MTMR1: variants seen among roughly 807,000 people sequenced by gnomAD.
MTMR1 encodes myotubularin related protein 1.
A neutral mutation model predicts 51.6 loss-of-function variants in MTMR1; 17 were observed. The ratio of observed to expected loss-of-function variants is 0.33; its 90% confidence interval spans 0.23 to 0.49. The LOEUF (loss-of-function observed/expected upper bound fraction) is 0.49. Among genes scored for constraint, MTMR1 ranks in the 20% least tolerant of loss-of-function variants. The pLI, the probability that MTMR1 is intolerant of heterozygous loss-of-function variation, is 0.99. For missense variants in MTMR1, 386 were observed against 526.9 expected (o/e 0.73, Z 2.62); for synonymous variants, 201 against 205.6 (o/e 0.98, Z 0.19).
At chrX:150,702,858 A>G (rs1557415981) in intron 2 of MTMR1, among the ~76,000 whole-genome samples, 2 of 112,254 alleles carry the variant, frequency 1.8e-5, no homozygotes, top group African/African-American at 6.5e-5. Context: ...GAAAGAGTAG[A>G]TAGCTATTAT....
At chrX:150,720,646 T>C (rs999679573) in intron 4 of MTMR1, among the ~76,000 whole-genome samples, 7 of 111,971 alleles carry the variant, frequency 6.3e-5, no homozygotes, top group African/African-American at 2.3e-4. Context: ...AAATACCTAA[T>C]AGATAAGTGG....
intron 4 of MTMR1, among the ~76,000 whole-genome samples, chrX:150,721,428 G>C (rs1363775210): frequency 9.0e-6 from 1 of 111,518 alleles, no homozygotes; most frequent in Non-Finnish European, 1.9e-5. Context: ...TTGTGCGAAG[G>C]TTTTTAACTA....
At chrX:150,742,988 G>A (rs1298091628) in intron 12 of MTMR1, among the ~76,000 whole-genome samples, 1 of 111,223 alleles carries the variant, frequency 9.0e-6, no homozygotes, top group Non-Finnish European at 1.9e-5. Context: ...GGTGGGGAAT[G>A]GGGAGTTAGT....
intron 2 of MTMR1, among the ~76,000 whole-genome samples, chrX:150,709,313 G>T (rs1214077134): frequency 8.9e-6 from 1 of 111,984 alleles, no homozygotes; most frequent in Non-Finnish European, 1.9e-5. Flanking sequence ...GAGACTTTTG[G>T]GTAAGCCTCC....
intron 14 of MTMR1, among the ~76,000 whole-genome samples, chrX:150,752,624 G>GTTTT (rs782406235): frequency 3.3e-4 from 19 of 57,450 alleles, no homozygotes; most frequent in Non-Finnish European, 5.2e-4. Flanking sequence ...GCTTTATCTT[G>GTTTT]TTTTTTTTTT....
rs1246677231 is a variant in MTMR1 at position 150,694,859 on chromosome X, C to G, written c.146+1183C>G. On this transcript the variant is annotated intron_variant, in intron 1 of 15. Coordinates refer to ENST00000445323, the MANE Select transcript of MTMR1 (RefSeq NM_001306144.3). ...CTAGTGGAGAATACAAACCAACCAA[C>G]AGTGGAAATCGAATGTGATAAATGA... Among the ~76,000 whole-genome samples, 17 of 111,893 alleles carry G rather than the reference C, an allele frequency of 1.5e-4. No individual in the cohort carries two copies. The Admixed American group carries it at 1.6e-3, about 11-fold the overall frequency.
Position 150,698,219 on chromosome X carries a change from GA to G in MTMR1, c.147-974del, listed in dbSNP as rs781983496. ...GAGGCAGGAGAATTGCTTGAACCCA[GA>G]AGGGCAAAGTTTGCAGTGAGCCGAG... On this transcript the variant is annotated intron_variant, in intron 1 of 15. Coordinates refer to ENST00000445323, the MANE Select transcript of MTMR1 (RefSeq NM_001306144.3). Among the ~76,000 whole-genome samples the G allele has an allele frequency of 2.7e-3, 295 of 110,283 alleles. 4 individuals are homozygous for G. Among genetic ancestry groups the G allele is most frequent in the African/African-American group, 9.4e-3 (285 of 30,206 alleles).
chrX:150,730,510 G>A lies in MTMR1; in HGVS notation c.658-15G>A. ...AGAAATAGTAACATATGTGTTTTGT[G>A]GTTTTTGTGTCCAGGCACTATTTGC... On this transcript the variant is annotated splice_polypyrimidine_tract_variant and intron_variant, in intron 7 of 15. Transcript: ENST00000445323. 9.0e-7 allele frequency: 1 copy of A among 1,106,363 alleles called. No homozygotes were observed. Among genetic ancestry groups the A allele is most frequent in the Non-Finnish European group, 1.2e-6 (1 of 821,861 alleles). 91.2% of individuals were successfully genotyped at this position (1,106,363 alleles called of 1,213,427 possible). A position where few individuals can be genotyped will look rare whatever the true frequency, so the allele number is the denominator to read the frequency against.
chrX:150,732,471 T>TA, intron 9 of MTMR1, 71 bp from the exon 10 acceptor site: 1 of 1,006,220 alleles, frequency 9.9e-7, no homozygotes. Context: ...GGGAACTTGT[T>TA]TTTCCTACCA....
At chrX:150,701,960 G>C (rs1165784725) in intron 2 of MTMR1, among the ~76,000 whole-genome samples, 2 of 111,846 alleles carry the variant, frequency 1.8e-5, no homozygotes, top group African/African-American at 6.5e-5. Context: ...CATACAGTTA[G>C]ACTTGGGATT....
chrX:150,758,799 A>G (rs1341819766), intron 15 of MTMR1, among the ~76,000 whole-genome samples: 10 of 111,006 alleles, frequency 9.0e-5, no homozygotes, highest in African/African-American at 3.3e-4. Flanking sequence ...CCGTCTCAAA[A>G]AAAAAAAAAA....
At chrX:150,753,491 T>TA (rs1373034204) in intron 14 of MTMR1, among the ~76,000 whole-genome samples, 1 of 112,461 alleles carries the variant, frequency 8.9e-6, no homozygotes, top group Non-Finnish European at 1.9e-5. Flanking sequence ...TTTTCCTTTT[T>TA]AAAAAAATTA....
Position 150,730,540 on chromosome X carries a change from A to G in MTMR1, c.673A>G (p.Ser225Gly). ...TTGTGTCCAGGCACTATTTGCATTC[A>G]GCTATAAAGAAAAATTTCCAATTAA... ...LSNGQALFAF[S>G]YKEKFPINGW... The change falls in exon 8 of 16, where the codon AGC becomes GGC. Residue 225 changes from serine to glycine, a missense_variant. Transcript: ENST00000445323. 8.5e-7 allele frequency: 1 copy of G among 1,172,835 alleles called. No homozygotes were observed. The highest frequency in any genetic ancestry group is 1.1e-6 in the Non-Finnish European group (1 of 871,582).
chrX:150,764,910 AATG>A lies in MTMR1; in HGVS notation c.*2184_*2186del, dbSNP rs1212268577. 9.0e-6 allele frequency: 1 copy of A among 111,652 alleles called. No individual in the cohort carries two copies. The highest frequency in any genetic ancestry group is 3.3e-5 in the African/African-American group (1 of 30,596). The allele number at this position is 111,652 out of a possible 1,213,427, so 9.2% of individuals were successfully genotyped here. A position where few individuals can be genotyped will look rare whatever the true frequency, so the allele number is the denominator to read the frequency against. The stretch of plus-strand genomic sequence containing the variant: ...CTGTATTTCAATCATCTGTAATTAA[AATG>A]ATCATATGTTTGCTCCCTGGTCTTT... On this transcript the variant is annotated 3_prime_UTR_variant, in exon 16 of 16. Transcript: ENST00000445323.
At chrX:150,729,323 A>G (rs2042043366) in intron 6 of MTMR1, among the ~76,000 whole-genome samples, 1 of 111,600 alleles carries the variant, frequency 9.0e-6, no homozygotes, top group Non-Finnish European at 1.9e-5. Context: ...TCAGCCACCA[A>G]GGTGTATGTG....
intron 2 of MTMR1, among the ~76,000 whole-genome samples, chrX:150,701,598 GTCATCATCA>G (rs782035130): frequency 9.0e-6 from 1 of 111,698 alleles, no homozygotes; most frequent in Non-Finnish European, 1.9e-5. Flanking sequence ...ATGGTTCTAT[GTCATCATCA>G]TCATCATCAT....
At position 150,759,539 on chromosome X, in the gene MTMR1, G is replaced by A. The variant is rs139550437; in HGVS notation, c.1858-3026G>A. ...CCCCTGCCACGCTCCCCCTTGTGCA[G>A]CAGGTTGCAGAGGTGAAGAAATGCT... On this transcript the variant is annotated intron_variant, in intron 15 of 15. Coordinates refer to ENST00000445323, the MANE Select transcript of MTMR1 (RefSeq NM_001306144.3). 3.8e-3 allele frequency among the ~76,000 whole-genome samples: 381 copies of A among 101,069 alleles called. 5 individuals are homozygous for A. Among genetic ancestry groups the A allele is most frequent in the African/African-American group, 0.012 (364 of 30,147 alleles). 87.8% of individuals were successfully genotyped at this position (101,069 alleles called of 115,157 possible).
chrX:150,736,408 T>G, intron 10 of MTMR1, 187 bp from the exon 11 acceptor site: 1 of 401,009 alleles, frequency 2.5e-6, no homozygotes, highest in African/African-American at 2.5e-5. Flanking sequence ...GAGAATAAAC[T>G]TCTGTTGTTT....
intron 15 of MTMR1, among the ~76,000 whole-genome samples, chrX:150,757,484 G>A (rs1235036932): frequency 8.9e-6 from 1 of 112,415 alleles, no homozygotes; most frequent in Non-Finnish European, 1.9e-5. Context: ...CCTCAGGAGT[G>A]TTTTCCAGAA....
Sources: gnomAD v4.1 joint callset for allele counts (sites outside exome capture counted in the v4.1 genomes callset) on GRCh38, gnomAD v4.1.1 for gene constraint, MANE v1.5 for transcripts, NCBI Gene and HGNC (gene_info 2026-07-23, HGNC 2026-07-21) for gene names.